The following ERBB4 variants were observed in gnomAD, a reference collection of about 807,000 sequenced individuals.
The protein encoded by ERBB4 is receptor tyrosine-protein kinase erbB-4.
Under a neutral mutation model 158.0 loss-of-function variants are expected in ERBB4, and 42 were observed. The observed-to-expected ratio is 0.27, with a 90% CI of 0.21 to 0.34. ERBB4 has a LOEUF of 0.34. Among genes scored for constraint, ERBB4 ranks in the 10% least tolerant of loss-of-function variants. The probability of loss-of-function intolerance (pLI) is 1.00; values close to 1 mark genes in which losing one functional copy is unlikely to be tolerated. For missense variants in ERBB4, 1,333 were observed against 1,624.1 expected (o/e 0.82, Z 3.08); for synonymous variants, 583 against 558.7 (o/e 1.04, Z -0.61).
At chr2:211,977,791 G>T (rs1662765741) in intron 2 of ERBB4, among the ~76,000 whole-genome samples, 1 of 144,684 alleles carries the variant, frequency 6.9e-6, no homozygotes, top group South Asian at 2.3e-4. Context: ...GGCGGAGGTT[G>T]CACTGAGCCA....
chr2:211,785,383 G>A (rs1257643323), intron 4 of ERBB4, among the ~76,000 whole-genome samples: 1 of 152,182 alleles, frequency 6.6e-6, no homozygotes, highest in Admixed American at 6.5e-5. Flanking sequence ...TTACAGGCGT[G>A]AGCCACCGCC....
At chr2:212,119,313 T>C (rs1175116668) in intron 2 of ERBB4, among the ~76,000 whole-genome samples, 3 of 152,114 alleles carry the variant, frequency 2.0e-5, no homozygotes, top group Non-Finnish European at 4.4e-5. Context: ...ATTATAGTTA[T>C]TTGCTTAAAG....
intron 20 of ERBB4, among the ~76,000 whole-genome samples, chr2:211,482,252 A>G (rs1453569863): frequency 6.6e-6 from 1 of 152,246 alleles, no homozygotes; most frequent in Non-Finnish European, 1.5e-5. Context: ...CAAATTTATT[A>G]TAAGAAAAAG....
intron 1 of ERBB4, among the ~76,000 whole-genome samples, chr2:212,226,835 G>C (rs1211565875): frequency 1.4e-5 from 2 of 138,654 alleles, no homozygotes; most frequent in Non-Finnish European, 3.1e-5. Context: ...ATTCCTAAAA[G>C]GACTCACACA....
chr2:212,307,144 C>T (rs2086839134), intron 1 of ERBB4, among the ~76,000 whole-genome samples: 2 of 151,172 alleles, frequency 1.3e-5, no homozygotes, highest in Non-Finnish European at 3.0e-5. Context: ...GTATCCTGGG[C>T]TCAGTCATTT....
chr2:211,880,809 G>T (rs760113913), intron 3 of ERBB4, among the ~76,000 whole-genome samples: 2 of 152,110 alleles, frequency 1.3e-5, no homozygotes, highest in Non-Finnish European at 2.9e-5. Flanking sequence ...TGTTAAGAAT[G>T]GACAAGATAA....
At chr2:211,874,194 T>C (rs910304399) in intron 3 of ERBB4, among the ~76,000 whole-genome samples, 3 of 152,102 alleles carry the variant, frequency 2.0e-5, no homozygotes, top group African/African-American at 7.2e-5. Flanking sequence ...TCATTTTTTT[T>C]CTCATTTTGC....
intron 3 of ERBB4, among the ~76,000 whole-genome samples, chr2:211,946,472 C>T (rs1264588048): frequency 6.7e-6 from 1 of 150,328 alleles, no homozygotes; most frequent in Admixed American, 6.7e-5. Context: ...AAAACCACTA[C>T]AGGTTTGGAT....
intron 1 of ERBB4, among the ~76,000 whole-genome samples, chr2:212,277,349 T>G (rs2085578604): frequency 6.6e-6 from 1 of 151,772 alleles, no homozygotes; most frequent in African/African-American, 2.4e-5. Context: ...TCATTTAATA[T>G]TTTTTGATGT....
chr2:212,495,233 A>T (rs1405861000), intron 1 of ERBB4, among the ~76,000 whole-genome samples: 1 of 152,052 alleles, frequency 6.6e-6, no homozygotes, highest in African/African-American at 2.4e-5. Context: ...TGTTGAAATA[A>T]AAAAGAAAGA....
At chr2:211,547,648 C>T (rs1476221038) in intron 20 of ERBB4, among the ~76,000 whole-genome samples, 2 of 152,114 alleles carry the variant, frequency 1.3e-5, no homozygotes, top group East Asian at 3.9e-4. Flanking sequence ...CTAAAATCTG[C>T]TACAATACCA....
chr2:212,418,020 A>G (rs1314768516), intron 1 of ERBB4, among the ~76,000 whole-genome samples: 1 of 151,974 alleles, frequency 6.6e-6, no homozygotes, highest in Admixed American at 6.6e-5. Context: ...GTAAGGATAC[A>G]ACAAAAAGGC....
intron 3 of ERBB4, among the ~76,000 whole-genome samples, chr2:211,858,645 G>A (rs973067233): frequency 4.6e-5 from 7 of 151,946 alleles, no homozygotes; most frequent in African/African-American, 1.7e-4. Context: ...TTCTCTGTTA[G>A]CTATAACAAA....
At position 212,079,115 on chromosome 2, in the gene ERBB4, A is replaced by C. The variant is rs139457618; in HGVS notation, c.234+45637T>G. 7.2e-3 allele frequency among the ~76,000 whole-genome samples: 1,083 copies of C among 151,252 alleles called. 12 individuals are homozygous for C. The highest frequency in any genetic ancestry group is 0.025 in the African/African-American group (1,031 of 41,432). On this transcript the variant is annotated intron_variant, in intron 2 of 27. Coordinates refer to ENST00000342788, the MANE Select transcript of ERBB4 (RefSeq NM_005235.3). ...TTTTTTGATGTTAGATATAATAATA[A>C]AATAAAAATTTTTATATATATGTAT...
intron 19 of ERBB4, among the ~76,000 whole-genome samples, chr2:211,605,771 G>C (rs2068959308): frequency 6.6e-6 from 1 of 152,046 alleles, no homozygotes; most frequent in Non-Finnish European, 1.5e-5. Context: ...ATATAACACA[G>C]AATAGATAAC....
rs1355545264 is a variant in ERBB4 at position 211,387,038 on chromosome 2, G to T, written c.3296C>A (p.Ala1099Asp). 3 of 1,614,020 alleles carry T rather than the reference G, an allele frequency of 1.9e-6. No homozygotes were observed. Among genetic ancestry groups the T allele is most frequent in the Non-Finnish European group, 2.5e-6 (3 of 1,179,956 alleles). ...PEAPVAQGAT[A>D]EIFDDSCCNG... is the part of the protein sequence containing the mutation. ...ACAGCAGGAGTCATCAAAAATCTCA[G>T]CAGTAGCACCCTGTGCCACAGGAGC... The change falls in exon 27 of 28, where the codon GCT (alanine) becomes GAT (aspartate). Residue 1099 changes from alanine to aspartate, a missense_variant. Physicochemically the swap from Ala to Asp is moderately radical, Grantham distance 126. Around this residue, in one of 5 missense-constraint regions of ERBB4, gnomAD observed 252 missense variants for 241.3 expected, o/e 1.04. Coordinates refer to ENST00000342788, the MANE Select transcript of ERBB4 (RefSeq NM_005235.3).
At chr2:212,174,315 T>C (rs1347385581) in intron 1 of ERBB4, among the ~76,000 whole-genome samples, 3 of 152,152 alleles carry the variant, frequency 2.0e-5, no homozygotes, top group Non-Finnish European at 4.4e-5. Flanking sequence ...TCAATTTCTA[T>C]AGCCTATCTG....
At chr2:211,633,211 A>C (rs2070212943) in intron 16 of ERBB4, among the ~76,000 whole-genome samples, 1 of 152,150 alleles carries the variant, frequency 6.6e-6, no homozygotes, top group Non-Finnish European at 1.5e-5. Flanking sequence ...CCAGTTATAG[A>C]GTCTTTTTGG....
chr2:211,651,518 T>C (rs1268672322), intron 16 of ERBB4, among the ~76,000 whole-genome samples: 1 of 152,224 alleles, frequency 6.6e-6, no homozygotes, highest in African/African-American at 2.4e-5. Context: ...GAAAGGATTT[T>C]GCAGATGTAA....
Sources: gnomAD v4.1 joint callset for allele counts (sites outside exome capture counted in the v4.1 genomes callset) on GRCh38, gnomAD v4.1.1 for gene constraint, gnomAD v4.1.1 regional missense constraint, MANE v1.5 for transcripts, NCBI Gene and HGNC (gene_info 2026-07-23, HGNC 2026-07-21) for gene names.